The following SCML4 variants were observed in gnomAD, a reference collection of about 807,000 sequenced individuals.
SCML4 encodes sex comb on midleg-like protein 4.
Under a neutral mutation model 41.1 loss-of-function variants are expected in SCML4, and 34 were observed. The ratio of observed to expected loss-of-function variants is 0.83; its 90% CI spans 0.63 to 1.10. The LOEUF is 1.10. Ranked by LOEUF, SCML4 falls within the 50% of genes least tolerant of loss-of-function variation. The pLI is 0.00. For synonymous variants in SCML4, 214 were observed against 220.9 expected (o/e 0.97, Z 0.28); for missense variants, 522 against 534.1 (o/e 0.98, Z 0.22).
the SCML4 span, among the ~76,000 whole-genome samples, chr6:107,844,881 G>T: frequency 6.7e-6 from 1 of 149,206 alleles, no homozygotes; most frequent in South Asian, 2.1e-4. Flanking sequence ...AGGCAATATA[G>T]TAAGACTACG....
intron 5 of SCML4, among the ~76,000 whole-genome samples, chr6:107,739,678 A>G (rs930619874): frequency 1.3e-5 from 2 of 152,218 alleles, no homozygotes; most frequent in African/African-American, 2.4e-5. Flanking sequence ...TCCCTCATAC[A>G]AATGCATATG....
intron 1 of SCML4, among the ~76,000 whole-genome samples, chr6:107,814,825 T>C (rs1175241437): frequency 6.6e-6 from 1 of 152,170 alleles, no homozygotes; most frequent in Non-Finnish European, 1.5e-5. Flanking sequence ...AGTGCTGGGA[T>C]TACGAGCGTG....
intron 1 of SCML4, among the ~76,000 whole-genome samples, chr6:107,800,095 C>G (rs1782999131): frequency 6.6e-6 from 1 of 151,836 alleles, no homozygotes; most frequent in Non-Finnish European, 1.5e-5. Flanking sequence ...AAGCCATCCT[C>G]CCCCCTCAGC....
chr6:107,822,875 C>A (rs1367948572), intron 1 of SCML4, among the ~76,000 whole-genome samples: 1 of 151,460 alleles, frequency 6.6e-6, no homozygotes, highest in Admixed American at 6.6e-5. Context: ...TCAAACAGCC[C>A]CTCATTTTAT....
chr6:107,831,411 CAAAAAAAAAA>C, the SCML4 span, among the ~76,000 whole-genome samples: 5 of 107,504 alleles, frequency 4.7e-5, no homozygotes, highest in African/African-American at 1.7e-4. Context: ...TTTTCATTCT[CAAAAAAAAAA>C]AAAAAAAAAA....
the SCML4 span, among the ~76,000 whole-genome samples, chr6:107,835,164 C>A: frequency 6.6e-6 from 1 of 151,948 alleles, no homozygotes; most frequent in East Asian, 1.9e-4. Context: ...AGTTCAAGAC[C>A]AGCTTGGATA....
At chr6:107,724,834 C>A (rs930880767) in intron 5 of SCML4, among the ~76,000 whole-genome samples, 1 of 152,108 alleles carries the variant, frequency 6.6e-6, no homozygotes, top group Non-Finnish European at 1.5e-5. Flanking sequence ...TCATGAAAAC[C>A]AAAAACAAAG....
intron 2 of SCML4, among the ~76,000 whole-genome samples, chr6:107,762,728 T>C (rs1203714556): frequency 2.0e-5 from 3 of 152,110 alleles, no homozygotes; most frequent in African/African-American, 4.8e-5. Flanking sequence ...ATGGAACAGA[T>C]TCTTCCTTAC....
intron 1 of SCML4, among the ~76,000 whole-genome samples, chr6:107,813,401 TATATATATATATATATATATATAAAA>T (rs1267301796): frequency 9.2e-5 from 5 of 54,610 alleles, no homozygotes; most frequent in Non-Finnish European, 1.6e-4. Context: ...TATATATATA[TATATATATATATATATATATATAAAA>T]CTGTAAAATT....
Position 107,710,993 on chromosome 6 carries a change from A to G in SCML4, c.974-2982T>C, listed in dbSNP as rs1365514010. Among the ~76,000 whole-genome samples the G allele has an allele frequency of 3.2e-5, 2 of 62,446 alleles. 1 individual carries two copies. Among genetic ancestry groups the G allele is most frequent in the African/African-American group, 1.3e-4 (2 of 15,316 alleles). 41.0% of individuals were successfully genotyped at this position (62,446 alleles called of 152,430 possible). A position where few individuals can be genotyped will look rare whatever the true frequency, so the allele number is the denominator to read the frequency against. Reference sequence around the variant, plus strand: ...TGAAATGGATCCCAAACCTCCCAGCATGGTTTCCCTGGTGTCCCTGCACAA... The same window carrying G: ...TGAAATGGATCCCAAACCTCCCAGCGTGGTTTCCCTGGTGTCCCTGCACAA... On this transcript the variant is annotated intron_variant, in intron 6 of 7. Transcript: ENST00000369020.
intron 1 of SCML4, among the ~76,000 whole-genome samples, chr6:107,789,844 A>C (rs1002128183): frequency 5.9e-5 from 9 of 152,256 alleles, no homozygotes; most frequent in African/African-American, 2.2e-4. Context: ...CCCAGCTCAC[A>C]GGACCAGCAA....
chr6:107,751,572 A>ATATTTCTTTCTT (rs1383179707), intron 2 of SCML4, among the ~76,000 whole-genome samples: 1 of 87,670 alleles, frequency 1.1e-5, no homozygotes, highest in East Asian at 3.8e-4. Flanking sequence ...CATTTTAACA[A>ATATTTCTTTCTT]TCTTTCTTTC....
intron 5 of SCML4, among the ~76,000 whole-genome samples, chr6:107,727,553 GC>G (rs1776112938): frequency 6.6e-6 from 1 of 150,398 alleles, no homozygotes; most frequent in Non-Finnish European, 1.5e-5. Flanking sequence ...AACCTAAGCA[GC>G]CAAAGGGTCT....
At chr6:107,765,471 C>T (rs1779958788) in intron 2 of SCML4, among the ~76,000 whole-genome samples, 1 of 152,082 alleles carries the variant, frequency 6.6e-6, no homozygotes, top group South Asian at 2.1e-4. Context: ...CGCCATTGCA[C>T]TCCAGCCTGG....
chr6:107,809,967 C>A (rs1194688380), intron 1 of SCML4, among the ~76,000 whole-genome samples: 3 of 152,120 alleles, frequency 2.0e-5, no homozygotes, highest in Admixed American at 6.5e-5. Flanking sequence ...ATTCATCGAT[C>A]CCTCTGAAAA....
At chr6:107,842,526 T>C in the SCML4 span, among the ~76,000 whole-genome samples, 1 of 152,206 alleles carries the variant, frequency 6.6e-6, no homozygotes, top group Admixed American at 6.5e-5. Context: ...GCTTCCCAAG[T>C]AGCTGGGATT....
intron 7 of SCML4, among the ~76,000 whole-genome samples, chr6:107,707,313 AAAAC>A (rs1194940540): frequency 5.3e-5 from 8 of 152,158 alleles, no homozygotes; most frequent in South Asian, 2.1e-4. Context: ...GTCTCAAACA[AAAAC>A]AAACAAAAAC....
At chr6:107,708,094 C>T in intron 6 of SCML4, 83 bp from the exon 7 acceptor site, 1 of 1,467,162 alleles carries the variant, frequency 6.8e-7, no homozygotes, top group Non-Finnish European at 9.1e-7. Context: ...CCCACCTAGC[C>T]TGGAAGGGGG....
intron 5 of SCML4, among the ~76,000 whole-genome samples, chr6:107,727,561 G>T (rs978296814): frequency 9.9e-5 from 15 of 152,164 alleles, no homozygotes; most frequent in Non-Finnish European, 1.8e-4. Context: ...CAGCCAAAGG[G>T]TCTGCATGCT....
Sources: allele counts gnomAD v4.1 joint callset (sites outside exome capture counted in the v4.1 genomes callset), GRCh38; gene constraint gnomAD v4.1.1; transcripts MANE v1.5; gene names NCBI Gene and HGNC (gene_info 2026-07-23, HGNC 2026-07-21).